The following ACAP2 variants were observed in gnomAD, a reference collection of about 807,000 sequenced individuals.
ACAP2 encodes ArfGAP with coiled-coil, ankyrin repeat and PH domains 2, also known as arf-GAP with coiled-coil, ANK repeat and PH domain-containing protein 2.
Under a neutral mutation model 115.8 loss-of-function variants are expected in ACAP2, and 39 were observed. The ratio of observed to expected loss-of-function variants is 0.34; its 90% CI spans 0.26 to 0.44. ACAP2 has a LOEUF of 0.44. Ranked by LOEUF, ACAP2 falls within the 20% of genes least tolerant of loss-of-function variation. ACAP2 has a pLI of 1.00. For synonymous variants in ACAP2, 289 were observed against 315.8 expected (o/e 0.92, Z 0.90); for missense variants, 662 against 927.6 (o/e 0.71, Z 3.72).
At chr3:195,321,610 C>CT (rs1040767924) in intron 9 of ACAP2, among the ~76,000 whole-genome samples, 7 of 99,378 alleles carry the variant, frequency 7.0e-5, no homozygotes, top group Admixed American at 2.1e-4. Context: ...ATGGTAGTTC[C>CT]TTTTTTTTTT....
chr3:195,308,061 C>T (rs1190407022), intron 11 of ACAP2, among the ~76,000 whole-genome samples: 1 of 151,976 alleles, frequency 6.6e-6, no homozygotes, highest in African/African-American at 2.4e-5. Context: ...ACATGTAATC[C>T]CAATATGTCT....
At chr3:195,395,603 G>A (rs180923021) in intron 1 of ACAP2, among the ~76,000 whole-genome samples, 8 of 152,260 alleles carry the variant, frequency 5.3e-5, no homozygotes, top group African/African-American at 2.4e-5. Flanking sequence ...ATTCACTTCC[G>A]TAGTCTCTAT....
intron 1 of ACAP2, among the ~76,000 whole-genome samples, chr3:195,439,210 AG>A (rs1222411627): frequency 2.0e-5 from 2 of 100,266 alleles, no homozygotes; most frequent in East Asian, 1.2e-3. Flanking sequence ...TTTTTTTTTA[AG>A]AGAGAGAGAG....
At chr3:195,374,338 C>T (rs571814449) in intron 4 of ACAP2, among the ~76,000 whole-genome samples, 4 of 152,216 alleles carry the variant, frequency 2.6e-5, no homozygotes, top group South Asian at 2.1e-4. Flanking sequence ...TGCAGTGAGC[C>T]GAGATCAGGC....
intron 15 of ACAP2, among the ~76,000 whole-genome samples, chr3:195,301,122 G>C (rs1314541672): frequency 6.7e-6 from 1 of 149,802 alleles, no homozygotes; most frequent in Non-Finnish European, 1.5e-5. Context: ...GAGTCTCTCT[G>C]TTACCCAGGC....
intron 6 of ACAP2, 21 bp from the exon 7 acceptor site, chr3:195,336,997 T>C (rs1282062955): frequency 1.9e-6 from 3 of 1,605,256 alleles, no homozygotes; most frequent in Non-Finnish European, 2.6e-6. Flanking sequence ...ACACACGTGG[T>C]TAATCACCCA....
At chr3:195,296,619 T>C (rs922067875) in intron 16 of ACAP2, among the ~76,000 whole-genome samples, 1 of 152,166 alleles carries the variant, frequency 6.6e-6, no homozygotes, top group African/African-American at 2.4e-5. Context: ...ACAACAAAAA[T>C]CATGTGCTTT....
rs1293579977 is a variant in ACAP2, at chr3:195,342,544, A to G, written c.455T>C (p.Val152Ala). Residue 152 changes from valine (V) to alanine (A), a missense_variant, in exon 6 of 23, where the codon GTT (valine) becomes GCT (alanine). Transcript: ENST00000326793. ...AQVQRNKQHE[V>A]EEATNILTAT... is the part of the protein sequence containing the mutation. ...TGTCAGAATGTTGGTGGCTTCTTCA[A>G]CTTCATGTTGTTTGTTTCTTTGTAC... The G allele has an allele frequency of 1.2e-6, 2 of 1,613,010 alleles. No individual in the cohort carries two copies. Among genetic ancestry groups the G allele is most frequent in the Admixed American group, 1.7e-5 (1 of 59,796 alleles).
chr3:195,322,993 A>G (rs1729547491), intron 9 of ACAP2, among the ~76,000 whole-genome samples: 1 of 152,228 alleles, frequency 6.6e-6, no homozygotes, highest in Admixed American at 6.5e-5. Flanking sequence ...CTGACAAACT[A>G]GGAAGGAATA....
chr3:195,316,485 T>C (rs1729100354), intron 10 of ACAP2, among the ~76,000 whole-genome samples: 1 of 151,970 alleles, frequency 6.6e-6, no homozygotes, highest in Admixed American at 6.6e-5. Context: ...ACAACTTCTG[T>C]CTCCTAGGTC....
At chr3:195,290,380 TA>T (rs981157824) in intron 20 of ACAP2, among the ~76,000 whole-genome samples, 3 of 150,986 alleles carry the variant, frequency 2.0e-5, no homozygotes, top group African/African-American at 7.3e-5. Context: ...TCCCATCTCT[TA>T]AAAAAAAAGA....
chr3:195,381,157 G>A, intron 3 of ACAP2, 95 bp from the exon 4 acceptor site: 1 of 850,134 alleles, frequency 1.2e-6, no homozygotes, highest in East Asian at 2.6e-5. Context: ...AGAAGATCAA[G>A]TTACACTGTA....
At chr3:195,336,349 C>G (rs1307730364) in intron 7 of ACAP2, 1 of 151,902 alleles carries the variant, frequency 6.6e-6, no homozygotes, top group African/African-American at 2.4e-5. Context: ...AAGAACAAAC[C>G]AAAAGACTGA....
At chr3:195,434,232 T>C (rs1482276121) in intron 1 of ACAP2, among the ~76,000 whole-genome samples, 2 of 149,986 alleles carry the variant, frequency 1.3e-5, no homozygotes, top group African/African-American at 4.9e-5. Context: ...TTTGGCCTGG[T>C]TTTGTTTTTT....
chr3:195,403,774 G>A lies in ACAP2; in HGVS notation c.54-11627C>T, dbSNP rs561007491. Reference sequence around the variant, plus strand: ...GAAAGAAGATCTAGAGTTCAGTTTTGGATTTGACTCCAAAATATCTACTAG... The same window carrying A: ...GAAAGAAGATCTAGAGTTCAGTTTTAGATTTGACTCCAAAATATCTACTAG... On this transcript the variant is annotated intron_variant, in intron 1 of 22. Coordinates refer to ENST00000326793, the MANE Select transcript of ACAP2 (RefSeq NM_012287.6). 3.9e-5 allele frequency among the ~76,000 whole-genome samples: 6 copies of A among 152,222 alleles called. 1 individual carries two copies. The South Asian group carries it at 1.0e-3, about 26-fold the overall frequency.
intron 1 of ACAP2, among the ~76,000 whole-genome samples, chr3:195,417,427 C>T (rs1268527597): frequency 2.0e-5 from 3 of 152,086 alleles, no homozygotes; most frequent in Non-Finnish European, 4.4e-5. Flanking sequence ...ATTCCTTCTT[C>T]CTCATGCCCC....
At chr3:195,294,299 G>A (rs931194137) in intron 18 of ACAP2, among the ~76,000 whole-genome samples, 1 of 151,426 alleles carries the variant, frequency 6.6e-6, no homozygotes, top group Non-Finnish European at 1.5e-5. Context: ...ATTTAATCAA[G>A]AGTAGGGCCG....
intron 1 of ACAP2, among the ~76,000 whole-genome samples, chr3:195,420,270 C>G (rs921619972): frequency 6.6e-6 from 1 of 152,140 alleles, no homozygotes; most frequent in African/African-American, 2.4e-5. Context: ...AAGTTCCTAA[C>G]TTTATTTAAT....
At chr3:195,438,950 A>G (rs1468807651) in intron 1 of ACAP2, among the ~76,000 whole-genome samples, 1 of 151,814 alleles carries the variant, frequency 6.6e-6, no homozygotes, top group Non-Finnish European at 1.5e-5. Context: ...AATCCCAGTT[A>G]CTCGGGAGGC....
Sources: gnomAD v4.1 joint callset for allele counts (sites outside exome capture counted in the v4.1 genomes callset) on GRCh38, gnomAD v4.1.1 for gene constraint, MANE v1.5 for transcripts, NCBI Gene and HGNC (gene_info 2026-07-23, HGNC 2026-07-21) for gene names.